Variants in LHFPL3 observed in about 807,000 individuals in gnomAD.
LHFPL3 encodes LHFPL tetraspan subfamily member 3 protein.
A neutral mutation model predicts 19.3 loss-of-function variants in LHFPL3; 5 were observed. The ratio of observed to expected loss-of-function variants is 0.26; its 90% CI spans 0.14 to 0.54. The LOEUF is 0.54. Ranked by LOEUF, LHFPL3 falls within the 20% of genes least tolerant of loss-of-function variation. The pLI, the probability that LHFPL3 is intolerant of heterozygous loss-of-function variation, is 0.94. For missense variants in LHFPL3, 249 were observed against 307.4 expected (o/e 0.81, Z 1.42); for synonymous variants, 133 against 126.2 (o/e 1.05, Z -0.36).
intron 2 of LHFPL3, among the ~76,000 whole-genome samples, chr7:104,807,004 A>AATAT (rs200659805): frequency 8.1e-6 from 1 of 124,024 alleles, no homozygotes; most frequent in African/African-American, 3.1e-5. Flanking sequence ...GCCCCACCAA[A>AATAT]ATATATATGT....
At chr7:104,498,047 C>T (rs1793522860) in intron 1 of LHFPL3, among the ~76,000 whole-genome samples, 1 of 141,890 alleles carries the variant, frequency 7.0e-6, no homozygotes, top group African/African-American at 2.8e-5. Context: ...TGCCCAAGGC[C>T]CAAATAATTT....
At chr7:104,525,258 T>C (rs558063123) in intron 1 of LHFPL3, among the ~76,000 whole-genome samples, 1 of 152,348 alleles carries the variant, frequency 6.6e-6, no homozygotes, top group South Asian at 2.1e-4. Flanking sequence ...TGTGTCTACA[T>C]GTACTTATTC....
At chr7:104,380,966 T>A (rs911203971) in intron 1 of LHFPL3, among the ~76,000 whole-genome samples, 26 of 152,182 alleles carry the variant, frequency 1.7e-4, no homozygotes, top group Admixed American at 8.5e-4. Context: ...ATTAAATGCA[T>A]AGAGACTGTA....
At position 104,908,185 on chromosome 7, in the gene LHFPL3, C is replaced by G. The variant is rs2430483; in HGVS notation, c.*1970C>G. On this transcript the variant is annotated 3_prime_UTR_variant, in exon 3 of 3. Coordinates refer to ENST00000424859, the MANE Select transcript of LHFPL3 (RefSeq NM_199000.3). ...AAATTCCATCGGGAGTCCTACATCA[C>G]TAACAGTGGTATGAACAAAACTAAG... Among the ~76,000 whole-genome samples the G allele has an allele frequency of 0.098, 14,861 of 152,170 alleles. 1,047 individuals carry two copies. Among genetic ancestry groups the G allele is most frequent in the East Asian group, 0.38 (1,956 of 5,190 alleles).
chr7:104,610,973 A>C (rs1409763232), intron 1 of LHFPL3, among the ~76,000 whole-genome samples: 1 of 152,180 alleles, frequency 6.6e-6, no homozygotes, highest in African/African-American at 2.4e-5. Flanking sequence ...TCATTTGCAC[A>C]GTAGCATGAA....
At chr7:104,602,013 T>C (rs965452441) in intron 1 of LHFPL3, among the ~76,000 whole-genome samples, 2 of 99,482 alleles carry the variant, frequency 2.0e-5, no homozygotes, top group Non-Finnish European at 4.0e-5. Context: ...TATTTTCTTT[T>C]TCTTTTCTTT....
rs998371993 is a variant in LHFPL3 at position 104,721,959 on chromosome 7, G to C, written c.446-14716G>C. Among the ~76,000 whole-genome samples the C allele has an allele frequency of 2.6e-5, 4 of 152,174 alleles. 1 individual carries two copies. The South Asian group carries it at 6.2e-4, about 24-fold the overall frequency. On this transcript the variant is annotated intron_variant, in intron 1 of 2. Coordinates refer to ENST00000424859, the MANE Select transcript of LHFPL3 (RefSeq NM_199000.3). ...TTCAATGAATGTGACTGGACCCTTGGTATGTATCAGAAGCCATCTAGTGGT... is the reference window on the plus strand; with the variant it reads ...TTCAATGAATGTGACTGGACCCTTGCTATGTATCAGAAGCCATCTAGTGGT...
At chr7:104,880,953 G>A (rs532328691) in intron 2 of LHFPL3, among the ~76,000 whole-genome samples, 1 of 152,018 alleles carries the variant, frequency 6.6e-6, no homozygotes. Flanking sequence ...GGTGAATCAC[G>A]AGGTCAGGAG....
At chr7:104,480,266 G>T (rs1286315442) in intron 1 of LHFPL3, among the ~76,000 whole-genome samples, 1 of 152,092 alleles carries the variant, frequency 6.6e-6, no homozygotes, top group African/African-American at 2.4e-5. Context: ...ATTAAATGAG[G>T]TTACATTTGC....
chr7:104,521,469 T>C (rs1584377519), intron 1 of LHFPL3, among the ~76,000 whole-genome samples: 3 of 152,272 alleles, frequency 2.0e-5, no homozygotes, highest in African/African-American at 7.2e-5. Flanking sequence ...ATTCAGGACA[T>C]AGGCATGGGC....
chr7:104,608,431 G>A (rs1791146923), intron 1 of LHFPL3, among the ~76,000 whole-genome samples: 1 of 147,026 alleles, frequency 6.8e-6, no homozygotes, highest in Non-Finnish European at 1.5e-5. Context: ...TCACTCATAG[G>A]TGGGAATTGA....
chr7:104,435,566 T>A (rs1472891035), intron 1 of LHFPL3, among the ~76,000 whole-genome samples: 1 of 151,406 alleles, frequency 6.6e-6, no homozygotes, highest in South Asian at 2.1e-4. Flanking sequence ...CTAGATTTTT[T>A]TTTTTTTTAC....
intron 2 of LHFPL3, among the ~76,000 whole-genome samples, chr7:104,840,493 TTTTTTTTTTTG>T: frequency 7.4e-6 from 1 of 135,812 alleles, no homozygotes; most frequent in Non-Finnish European, 1.6e-5. Context: ...TTTTTTTTTT[TTTTTTTTTTTG>T]TAGAGACCAG....
intron 1 of LHFPL3, among the ~76,000 whole-genome samples, chr7:104,372,174 C>T (rs1790629318): frequency 1.3e-5 from 2 of 152,132 alleles, no homozygotes; most frequent in Admixed American, 6.5e-5. Context: ...TGGAGGTGCT[C>T]ATGTATCCAC....
intron 1 of LHFPL3, among the ~76,000 whole-genome samples, chr7:104,554,407 T>A (rs1392563093): frequency 6.6e-6 from 1 of 152,170 alleles, no homozygotes; most frequent in African/African-American, 2.4e-5. Context: ...ACAATCTGAT[T>A]GGAAGATTTT....
At chr7:104,725,812 GA>G (rs1391470757) in intron 1 of LHFPL3, among the ~76,000 whole-genome samples, 1 of 151,992 alleles carries the variant, frequency 6.6e-6, no homozygotes, top group Non-Finnish European at 1.5e-5. Flanking sequence ...AGCACTTTGG[GA>G]GGCCAAAAAT....
intron 1 of LHFPL3, among the ~76,000 whole-genome samples, chr7:104,451,368 C>T (rs1226227409): frequency 6.6e-6 from 1 of 152,116 alleles, no homozygotes; most frequent in Non-Finnish European, 1.5e-5. Flanking sequence ...GCAAGCCAAT[C>T]AATTATAAAT....
At chr7:104,825,210 G>C (rs1300008851) in intron 2 of LHFPL3, among the ~76,000 whole-genome samples, 1 of 151,736 alleles carries the variant, frequency 6.6e-6, no homozygotes, top group African/African-American at 2.4e-5. Flanking sequence ...CCAAACAAAT[G>C]ATCAATTCAC....
chr7:104,336,205 G>T (rs1432494132), intron 1 of LHFPL3, among the ~76,000 whole-genome samples: 4 of 152,098 alleles, frequency 2.6e-5, no homozygotes, highest in Non-Finnish European at 4.4e-5. Context: ...ATAATAAAAA[G>T]AAGTTAGTAA....
Sources: allele counts gnomAD v4.1 joint callset (sites outside exome capture counted in the v4.1 genomes callset), GRCh38; gene constraint gnomAD v4.1.1; transcripts MANE v1.5; gene names NCBI Gene and HGNC (gene_info 2026-07-23, HGNC 2026-07-21).